Variants in ZNF488 observed in about 807,000 individuals in gnomAD.
ZNF488 encodes the protein zinc finger protein 488.
ZNF488 carries 1 observed loss-of-function variant against 1.2 expected under a neutral mutation model. The ratio of observed to expected loss-of-function variants is 0.86; its 90% CI spans 0.30 to 4.07. The LOEUF (loss-of-function observed/expected upper bound fraction) is 4.07. Among genes scored for constraint, ZNF488 ranks in the 30% most tolerant of loss-of-function variants. The probability of loss-of-function intolerance (pLI) is 0.18; values close to 1 mark genes in which losing one functional copy is unlikely to be tolerated. For synonymous variants in ZNF488, 185 were observed against 190.1 expected (o/e 0.97, Z 0.22); for missense variants, 450 against 437.9 (o/e 1.03, Z -0.25).
rs771966819 is a variant in ZNF488, at chr10:47,366,877, C to T, written c.*930G>A. The T allele has an allele frequency of 1.2e-5, 2 of 167,016 alleles. No individual in the cohort carries two copies. Among genetic ancestry groups the T allele is most frequent in the Admixed American group, 1.3e-4 (2 of 15,276 alleles). 10.3% of individuals were successfully genotyped at this position (167,016 alleles called of 1,614,324 possible). ...ACTCACAATGTGAAGAACTATGGACCAGGTATTGGCTGGAATTACCTGTCC... is the reference window on the plus strand; with the variant it reads ...ACTCACAATGTGAAGAACTATGGACTAGGTATTGGCTGGAATTACCTGTCC... On this transcript the variant is annotated 3_prime_UTR_variant, in exon 2 of 2. Coordinates refer to ENST00000585316, the MANE Select transcript of ZNF488 (RefSeq NM_153034.4).
intron 1 of ZNF488, among the ~76,000 whole-genome samples, chr10:47,377,853 T>C (rs1460029212): frequency 2.0e-5 from 3 of 152,222 alleles, no homozygotes; most frequent in African/African-American, 7.2e-5. Flanking sequence ...TGCACCCTGG[T>C]TGAGGGCAGT....
rs1555213263 is a variant in ZNF488 at position 47,368,425 on chromosome 10, G to A, written c.405C>T (p.Thr135=). 1 of 1,614,160 alleles carries A rather than the reference G, an allele frequency of 6.2e-7. No homozygotes were observed. Residue 135 remains threonine (T), a synonymous_variant, in exon 2 of 2, where the codon ACC becomes ACT. Transcript: ENST00000585316. Reference sequence around the variant, plus strand: ...CAGCTGGGCCTCTGGGGATGTTCTGGGTCAGCTGTGGGGCACCAGGTTGGC... The same window carrying A: ...CAGCTGGGCCTCTGGGGATGTTCTGAGTCAGCTGTGGGGCACCAGGTTGGC... ...PTGQPGAPQL[T]QNIPRGPAGS... is the part of the protein sequence containing the mutation.
chr10:47,381,814 T>C (rs1837973067), intron 1 of ZNF488, among the ~76,000 whole-genome samples: 1 of 152,248 alleles, frequency 6.6e-6, no homozygotes, highest in Non-Finnish European at 1.5e-5. Flanking sequence ...GCAGATCCAA[T>C]GCTTCAATGG....
Position 47,368,502 on chromosome 10 carries a change from C to T in ZNF488, c.328G>A (p.Asp110Asn), listed in dbSNP as rs977899521. Residue 110 changes from aspartate (D) to asparagine (N), a missense_variant, in exon 2 of 2, where the codon GAC becomes AAC. Transcript: ENST00000585316. ...TGGGCCTGAGCATCCACCTGCCGGT[C>T]CTTCATCCTCGGCAGCTCCGTGAAG... ...SAFTELPRMKDRQVDAQAQER... is the reference protein window; with the variant it reads ...SAFTELPRMKNRQVDAQAQER... The T allele has an allele frequency of 4.3e-6, 7 of 1,613,868 alleles. No individual in the cohort carries two copies. Among genetic ancestry groups the T allele is most frequent in the Non-Finnish European group, 5.9e-6 (7 of 1,179,990 alleles).
intron 1 of ZNF488, among the ~76,000 whole-genome samples, chr10:47,371,199 G>A (rs776279773): frequency 6.6e-6 from 1 of 152,200 alleles, no homozygotes; most frequent in African/African-American, 2.4e-5. Context: ...TGCCCGGGGA[G>A]GGGCAGGATC....
In ZNF488 at chr10:47,374,621, T is replaced by G. The variant is rs576656785; in HGVS notation, c.-108-5684A>C. On this transcript the variant is annotated intron_variant, in intron 1 of 1. Transcript: ENST00000585316. ...CCCTGTGAGAGCCAGAGACCAAGCT[T>G]GGGAGCTCTCCAAGGGTCAGGGTAG... Among the ~76,000 whole-genome samples the G allele has an allele frequency of 3.7e-4, 56 of 152,160 alleles. No individual in the cohort carries two copies. In the South Asian group the frequency reaches 0.011, roughly 29 times the overall value.
chr10:47,375,231 C>G (rs1419378830), intron 1 of ZNF488, among the ~76,000 whole-genome samples: 1 of 152,206 alleles, frequency 6.6e-6, no homozygotes, highest in Non-Finnish European at 1.5e-5. Context: ...TACAAACTTA[C>G]AGTCAAAGAA....
Position 47,367,836 on chromosome 10 carries a change from G to C in ZNF488, c.994C>G (p.Leu332Val). The change falls in exon 2 of 2, where the codon CTC becomes GTC. Residue 332 changes from leucine (L) to valine (V), a missense_variant. Coordinates refer to ENST00000585316, the MANE Select transcript of ZNF488 (RefSeq NM_153034.4). ...CQEHFRERHH[L>V]SRHMTSHS ...CTGTGAGAAGTCATGTGCCGGGAGA[G>C]GTGGTGGCGCTCCCGGAAGTGCTCC... 1 of 1,613,104 alleles carries C rather than the reference G, an allele frequency of 6.2e-7. No homozygotes were observed. The highest frequency in any genetic ancestry group is 8.5e-7 in the Non-Finnish European group (1 of 1,179,736).
At chr10:47,380,997 T>C (rs4996434) in intron 1 of ZNF488, among the ~76,000 whole-genome samples, 5,104 of 106,298 alleles carry the variant, frequency 0.048, no homozygotes, top group African/African-American at 0.064. Flanking sequence ...GCCTTCCCAT[T>C]ACTCCTGAGC....
Position 47,368,206 on chromosome 10 carries a change from T to C in ZNF488, c.624A>G (p.Ser208=). The change falls in exon 2 of 2, where the codon TCA becomes TCG. Residue 208 remains serine (S), a synonymous_variant. Transcript: ENST00000585316. ...AATCACCAACCAAAAGCTTGGGAGT[T>C]GAAAGTCGACCCCAACAAGCGAGGT... is the stretch of plus-strand genomic sequence containing the variant. ...TTDLACWGRL[S]TPKLLVGDLW... The C allele has an allele frequency of 6.2e-7, 1 of 1,614,176 alleles. No homozygotes were observed.
At chr10:47,380,567 G>GCCCA (rs542987554) in intron 1 of ZNF488, among the ~76,000 whole-genome samples, 30 of 123,718 alleles carry the variant, frequency 2.4e-4, no homozygotes, top group African/African-American at 8.4e-4. Flanking sequence ...ATGAAGCCTC[G>GCCCA]CCCACCCCAC....
rs1225297008 is a variant in ZNF488, at chr10:47,367,863, G to A, written c.967C>T (p.Gln323Ter). 5 of 1,613,740 alleles carry A rather than the reference G, an allele frequency of 3.1e-6. No homozygotes were observed. In the Admixed American group the frequency reaches 5.0e-5, roughly 16 times the overall value. The part of the protein sequence containing the change: ...REEALACPVC[Q>*]EHFRERHHLS... Reference sequence around the variant, plus strand: ...TGGTGGCGCTCCCGGAAGTGCTCCTGGCACACAGGGCAGGCAAGGGCCTCT... The same window carrying A: ...TGGTGGCGCTCCCGGAAGTGCTCCTAGCACACAGGGCAGGCAAGGGCCTCT... The change falls in exon 2 of 2, where the codon CAG becomes TAG. Residue 323 changes from glutamine to a stop codon, truncating the protein, a stop_gained. Transcript: ENST00000585316. LOFTEE classifies it high-confidence loss of function.
At chr10:47,383,879 AAC>A (rs1225817288) in intron 1 of ZNF488, among the ~76,000 whole-genome samples, 1 of 152,026 alleles carries the variant, frequency 6.6e-6, no homozygotes, top group Non-Finnish European at 1.5e-5. Context: ...GTGCTGAAAA[AAC>A]AGGGGGGAGA....
intron 1 of ZNF488, among the ~76,000 whole-genome samples, chr10:47,369,886 G>A (rs982456351): frequency 3.3e-5 from 5 of 152,212 alleles, no homozygotes; most frequent in African/African-American, 1.2e-4. Flanking sequence ...CTGCTAGAAG[G>A]CAAACTCTAA....
intron 1 of ZNF488, among the ~76,000 whole-genome samples, chr10:47,372,662 A>C (rs553898695): frequency 6.6e-6 from 1 of 152,310 alleles, no homozygotes; most frequent in South Asian, 2.1e-4. Context: ...CTGTCATGAA[A>C]ATTTCAGAAA....
Position 47,367,578 on chromosome 10 carries a change from C to A in ZNF488, c.*229G>T. 1 of 600,098 alleles carries A rather than the reference C, an allele frequency of 1.7e-6. No individual in the cohort carries two copies. The highest frequency in any genetic ancestry group is 3.3e-5 in the Admixed American group (1 of 30,326). The allele number at this position is 600,098 out of a possible 1,614,324, so 37.2% of individuals were successfully genotyped here. On this transcript the variant is annotated 3_prime_UTR_variant, in exon 2 of 2. Coordinates refer to ENST00000585316, the MANE Select transcript of ZNF488 (RefSeq NM_153034.4). ...CCCCTGCTCTCTGTGCCTGTTAGGG[C>A]CTCTACCCTGGATTTGCAAAGCCCA...
rs782055982 is a variant in ZNF488 at position 47,367,890 on chromosome 10, C to A, written c.940G>T (p.Glu314Ter). The A allele has an allele frequency of 6.2e-7, 1 of 1,614,060 alleles. No homozygotes were observed. Among genetic ancestry groups the A allele is most frequent in the Non-Finnish European group, 8.5e-7 (1 of 1,180,052 alleles). The change falls in exon 2 of 2, where the codon GAA (glutamate) becomes TAA (stop). Residue 314 changes from glutamate (E) to a stop codon, truncating the protein, a stop_gained. Coordinates refer to ENST00000585316, the MANE Select transcript of ZNF488 (RefSeq NM_153034.4). LOFTEE classifies it high-confidence loss of function. ...GPDPHSQKRR[E>*]EALACPVCQE... is the part of the protein sequence containing the mutation. Reference sequence around the variant, plus strand: ...CACACAGGGCAGGCAAGGGCCTCTTCTCTCCGCTTCTGAGAATGTGGGTCA... The same window carrying A: ...CACACAGGGCAGGCAAGGGCCTCTTATCTCCGCTTCTGAGAATGTGGGTCA...
rs545567878 is a variant in ZNF488, at chr10:47,374,526, A to G, written c.-108-5589T>C. Among the ~76,000 whole-genome samples the G allele has an allele frequency of 2.8e-4, 42 of 152,306 alleles. No homozygotes were observed. In the South Asian group the frequency reaches 8.7e-3, roughly 32 times the overall value. ...AGCAATCAGGGCTTCCCACCTGCAG[A>G]CAGCAGCCTCTACCTGGGTAGTTTA... On this transcript the variant is annotated intron_variant, in intron 1 of 1. Coordinates refer to ENST00000585316, the MANE Select transcript of ZNF488 (RefSeq NM_153034.4).
At chr10:47,375,957 C>T (rs545460103) in intron 1 of ZNF488, among the ~76,000 whole-genome samples, 15 of 152,256 alleles carry the variant, frequency 9.9e-5, no homozygotes, top group African/African-American at 1.7e-4. Flanking sequence ...GTGGGTTAGA[C>T]GTAAATCGAG....
Sources: gnomAD v4.1 joint callset for allele counts (sites outside exome capture counted in the v4.1 genomes callset) on GRCh38, gnomAD v4.1.1 for gene constraint, MANE v1.5 for transcripts, NCBI Gene and HGNC (gene_info 2026-07-23, HGNC 2026-07-21) for gene names.